NOS1AP: variants seen among roughly 807,000 people sequenced by gnomAD.
NOS1AP encodes nitric oxide synthase 1 adaptor protein.
NOS1AP carries 21 observed loss-of-function variants against 56.2 expected under a neutral mutation model. The observed-to-expected ratio is 0.37, with a 90% CI of 0.26 to 0.54. The LOEUF is 0.54. Among genes scored for constraint, NOS1AP ranks in the 20% least tolerant of loss-of-function variants. The pLI, the probability that NOS1AP is intolerant of heterozygous loss-of-function variation, is 0.84. For synonymous variants in NOS1AP, 270 were observed against 274.6 expected (o/e 0.98, Z 0.17); for missense variants, 522 against 657.8 (o/e 0.79, Z 2.26).
At chr1:162,292,388 T>G (rs1214697019) in intron 3 of NOS1AP, among the ~76,000 whole-genome samples, 1 of 152,214 alleles carries the variant, frequency 6.6e-6, no homozygotes, top group South Asian at 2.1e-4. Flanking sequence ...TGAGAACAGC[T>G]AATAGTAATA....
intron 2 of NOS1AP, among the ~76,000 whole-genome samples, chr1:162,185,008 G>A (rs1651380032): frequency 6.6e-6 from 1 of 152,136 alleles, no homozygotes; most frequent in South Asian, 2.1e-4. Context: ...TTTCTTTCTG[G>A]AGCTCCAAGA....
chr1:162,157,467 A>G (rs1650021017), intron 2 of NOS1AP, among the ~76,000 whole-genome samples: 1 of 152,156 alleles, frequency 6.6e-6, no homozygotes, highest in Non-Finnish European at 1.5e-5. Flanking sequence ...GAACTAGGGC[A>G]TGGGATTTCT....
chr1:162,217,450 A>G (rs772080804), intron 2 of NOS1AP, among the ~76,000 whole-genome samples: 4 of 151,708 alleles, frequency 2.6e-5, no homozygotes, highest in Non-Finnish European at 5.9e-5. Context: ...ACTTTTGTAG[A>G]GATGGGGTTT....
intron 2 of NOS1AP, among the ~76,000 whole-genome samples, chr1:162,234,374 T>A (rs888498687): frequency 2.0e-5 from 3 of 152,164 alleles, no homozygotes; most frequent in African/African-American, 7.2e-5. Flanking sequence ...ATTCCATAGA[T>A]AGTGGGAAAA....
chr1:162,274,919 C>T (rs1335348384), intron 2 of NOS1AP, among the ~76,000 whole-genome samples: 1 of 152,184 alleles, frequency 6.6e-6, no homozygotes, highest in African/African-American at 2.4e-5. Context: ...GTGTTGTCTA[C>T]AGCTGTTGAG....
intron 4 of NOS1AP, among the ~76,000 whole-genome samples, chr1:162,303,324 C>T (rs1382350721): frequency 6.6e-6 from 1 of 152,204 alleles, no homozygotes; most frequent in Non-Finnish European, 1.5e-5. Flanking sequence ...CCCAATTCCT[C>T]CATATCTGCC....
intron 2 of NOS1AP, among the ~76,000 whole-genome samples, chr1:162,159,246 A>T (rs1404547881): frequency 1.3e-5 from 2 of 152,150 alleles, no homozygotes; most frequent in Non-Finnish European, 1.5e-5. Flanking sequence ...ATGAGGAATA[A>T]TGAGAGCCAG....
intron 2 of NOS1AP, among the ~76,000 whole-genome samples, chr1:162,177,581 T>C (rs74125960): frequency 0.019 from 2,896 of 152,322 alleles, 116 homozygotes; most frequent in African/African-American, 0.066. Flanking sequence ...TGTAGTTATA[T>C]ACTGAGTTTG....
chr1:162,294,188 GAAGGAAGT>G (rs773163383), intron 3 of NOS1AP, among the ~76,000 whole-genome samples: 9,101 of 50,508 alleles, frequency 0.18, 567 homozygotes, highest in East Asian at 0.43. Context: ...AGGAAGGAAG[GAAGGAAGT>G]AAGGAAGGAA....
chr1:162,238,099 T>G (rs1158729396), intron 2 of NOS1AP, among the ~76,000 whole-genome samples: 1 of 152,138 alleles, frequency 6.6e-6, no homozygotes, highest in Admixed American at 6.6e-5. Context: ...TTGTTTTTAA[T>G]GAGAGCATCA....
At chr1:162,093,505 C>G (rs961669094) in intron 1 of NOS1AP, among the ~76,000 whole-genome samples, 2 of 152,128 alleles carry the variant, frequency 1.3e-5, no homozygotes, top group Non-Finnish European at 2.9e-5. Flanking sequence ...GATATTTTGT[C>G]TCTCTCTCAG....
intron 2 of NOS1AP, among the ~76,000 whole-genome samples, chr1:162,251,875 T>TG (rs1354610905): frequency 8.8e-5 from 12 of 136,266 alleles, no homozygotes; most frequent in Non-Finnish European, 1.7e-4. Flanking sequence ...TTTTGTTTTT[T>TG]TTTTTTTTTT....
At chr1:162,351,553 C>G (rs1284384588) in intron 6 of NOS1AP, among the ~76,000 whole-genome samples, 4 of 152,168 alleles carry the variant, frequency 2.6e-5, no homozygotes, top group Non-Finnish European at 1.5e-5. Context: ...CCTCTGCATT[C>G]CACCTCCATC....
chr1:162,273,158 TTC>T (rs1175136688), intron 2 of NOS1AP, among the ~76,000 whole-genome samples: 3 of 102,534 alleles, frequency 2.9e-5, no homozygotes, highest in Non-Finnish European at 4.1e-5. Flanking sequence ...GAAGCCCTTG[TTC>T]TTTTTTTTTT....
At chr1:162,230,586 C>T (rs1465770926) in intron 2 of NOS1AP, among the ~76,000 whole-genome samples, 1 of 152,162 alleles carries the variant, frequency 6.6e-6, no homozygotes. Context: ...GTTGTGCAAA[C>T]CAAACTTCGA....
chr1:162,153,830 G>A (rs1649815033), intron 1 of NOS1AP, among the ~76,000 whole-genome samples: 1 of 152,130 alleles, frequency 6.6e-6, no homozygotes, highest in Non-Finnish European at 1.5e-5. Flanking sequence ...CTCATATTAA[G>A]CATTCATTCA....
chr1:162,276,047 G>A (rs1278069987), intron 2 of NOS1AP, among the ~76,000 whole-genome samples: 1 of 152,158 alleles, frequency 6.6e-6, no homozygotes, highest in Non-Finnish European at 1.5e-5. Flanking sequence ...TTGTGCTGGA[G>A]CAAGAGAGTT....
At chr1:162,355,436 G>C in intron 7 of NOS1AP, 83 bp downstream of exon 7, 1 of 1,557,926 alleles carries the variant, frequency 6.4e-7, no homozygotes, top group East Asian at 2.2e-5. Context: ...TGCCAGCTCA[G>C]CTTCCGAGTG....
intron 2 of NOS1AP, among the ~76,000 whole-genome samples, chr1:162,280,334 T>C (rs1654878171): frequency 6.6e-6 from 1 of 152,230 alleles, no homozygotes; most frequent in South Asian, 2.1e-4. Context: ...TCTATCTTGT[T>C]ACAAGAATAG....
Sources: gnomAD v4.1 joint callset for allele counts (sites outside exome capture counted in the v4.1 genomes callset) on GRCh38, gnomAD v4.1.1 for gene constraint, MANE v1.5 for transcripts, NCBI Gene and HGNC (gene_info 2026-07-23, HGNC 2026-07-21) for gene names.